The following ZNF714 variants were observed in gnomAD, a reference collection of about 807,000 sequenced individuals.
ZNF714 encodes zinc finger protein 714.
In ZNF714, 32 loss-of-function variants were observed where a neutral mutation model predicts 46.2. The observed-to-expected ratio is 0.69, with a 90% confidence interval of 0.52 to 0.93. ZNF714 has a LOEUF of 0.93. Ranked by LOEUF, ZNF714 falls within the 40% of genes least tolerant of loss-of-function variation. The pLI, the probability that ZNF714 is intolerant of heterozygous loss-of-function variation, is 0.00. For missense variants in ZNF714, 635 were observed against 646.3 expected (o/e 0.98, Z 0.19); for synonymous variants, 199 against 213.1 (o/e 0.93, Z 0.58).
intron 4 of ZNF714, among the ~76,000 whole-genome samples, chr19:21,107,055 G>A (rs1411499580): frequency 2.0e-5 from 3 of 152,104 alleles, no homozygotes; most frequent in African/African-American, 4.8e-5. Context: ...TCGATCCCCT[G>A]ACCTCGTGAT....
intron 4 of ZNF714, among the ~76,000 whole-genome samples, chr19:21,113,728 T>C (rs1969518050): frequency 1.3e-5 from 2 of 152,050 alleles, no homozygotes; most frequent in Admixed American, 6.5e-5. Flanking sequence ...CAGGCTGGAT[T>C]TGAACTCTTG....
chr19:21,093,293 C>T (rs1300771006), intron 2 of ZNF714, among the ~76,000 whole-genome samples: 1 of 150,618 alleles, frequency 6.6e-6, no homozygotes, highest in Non-Finnish European at 1.5e-5. Context: ...AGTGTGATGG[C>T]GCCACCTCAG....
intron 4 of ZNF714, among the ~76,000 whole-genome samples, chr19:21,108,239 G>A (rs1467546315): frequency 3.3e-5 from 5 of 152,216 alleles, no homozygotes; most frequent in Non-Finnish European, 5.9e-5. Context: ...CATCCAGCCA[G>A]TATTTAATAA....
At chr19:21,115,200 T>C (rs964111284) in intron 4 of ZNF714, among the ~76,000 whole-genome samples, 2 of 152,092 alleles carry the variant, frequency 1.3e-5, no homozygotes, top group African/African-American at 4.8e-5. Context: ...TTGCTAATCA[T>C]ATATTTTATG....
At chr19:21,116,711 C>A in intron 4 of ZNF714, 96 bp from the exon 5 acceptor site, 1 of 1,363,472 alleles carries the variant, frequency 7.3e-7, no homozygotes, top group South Asian at 1.6e-5. Flanking sequence ...ATTATGGCAT[C>A]TTGCTTATGT....
intron 1 of ZNF714, 38 bp downstream of exon 1, chr19:21,082,386 G>C (rs1968671894): frequency 6.9e-7 from 1 of 1,456,278 alleles, no homozygotes; most frequent in South Asian, 1.1e-5. Flanking sequence ...GAGAGGGGAA[G>C]GGGCGGGTTG....
At chr19:21,113,780 G>A (rs551214446) in intron 4 of ZNF714, among the ~76,000 whole-genome samples, 1 of 152,044 alleles carries the variant, frequency 6.6e-6, no homozygotes, top group East Asian at 1.9e-4. Context: ...AAAGTGCTAG[G>A]GTTACAAGCG....
intron 4 of ZNF714, among the ~76,000 whole-genome samples, chr19:21,101,969 C>CACTT (rs1342332981): frequency 1.3e-5 from 2 of 152,234 alleles, no homozygotes; most frequent in Admixed American, 6.5e-5. Context: ...CTTCTAAAGG[C>CACTT]ACTTACTTGG....
chr19:21,100,611 G>C (rs1969155425), intron 4 of ZNF714, among the ~76,000 whole-genome samples: 1 of 152,122 alleles, frequency 6.6e-6, no homozygotes, highest in Admixed American at 6.5e-5. Flanking sequence ...TTATAAATAA[G>C]ATTGTTTTCT....
intron 4 of ZNF714, among the ~76,000 whole-genome samples, chr19:21,112,891 C>T (rs1340094716): frequency 2.3e-5 from 3 of 127,860 alleles, no homozygotes; most frequent in Non-Finnish European, 1.6e-5. Context: ...GGCGCGATCT[C>T]GGCTCACTGC....
At chr19:21,086,765 T>C (rs1439691485) in intron 2 of ZNF714, among the ~76,000 whole-genome samples, 2 of 152,154 alleles carry the variant, frequency 1.3e-5, no homozygotes, top group Non-Finnish European at 2.9e-5. Context: ...CAAAATAGAT[T>C]TTCTCTGGTT....
Position 21,117,239 on chromosome 19 carries a change from A to G in ZNF714, c.575A>G (p.Lys192Arg). 1 of 1,614,102 alleles carries G rather than the reference A, an allele frequency of 6.2e-7. No homozygotes were observed. The highest frequency in any genetic ancestry group is 8.5e-7 in the Non-Finnish European group (1 of 1,179,970). ...CGGTTCTCAACCCTTACTAGACACAAGAGAGTTCATACTGGAGAGAAACCC... is the reference window on the plus strand; with the variant it reads ...CGGTTCTCAACCCTTACTAGACACAGGAGAGTTCATACTGGAGAGAAACCC... ...FKRFSTLTRH[K>R]RVHTGEKPFK... is the part of the protein sequence containing the mutation. The change falls in exon 5 of 5, where the codon AAG (lysine) becomes AGG (arginine). Residue 192 changes from lysine (K) to arginine (R), a missense_variant. Physicochemically the swap from Lys to Arg is conservative, Grantham distance 26 (BLOSUM62 2). Coordinates refer to ENST00000456283, the MANE Select transcript of ZNF714 (RefSeq NM_182515.4).
chr19:21,115,608 T>C (rs1969577750), intron 4 of ZNF714, among the ~76,000 whole-genome samples: 1 of 151,992 alleles, frequency 6.6e-6, no homozygotes, highest in Admixed American at 6.6e-5. Flanking sequence ...AAAGCTTTTG[T>C]TGACAGTTCA....
At position 21,101,063 on chromosome 19, in the gene ZNF714, T is replaced by C. The variant is rs116237650; in HGVS notation, c.142+2153T>C. Among the ~76,000 whole-genome samples the C allele has an allele frequency of 3.9e-3, 598 of 152,324 alleles. 5 individuals are homozygous for C. The highest frequency in any genetic ancestry group is 0.014 in the African/African-American group (570 of 41,578). On this transcript the variant is annotated intron_variant, in intron 4 of 4. Coordinates refer to ENST00000456283, the MANE Select transcript of ZNF714 (RefSeq NM_182515.4). Reference sequence around the variant, plus strand: ...GGTTTTTTATATAATAAGATCATACTATCCACAAAAAGCAACTTTTTACTT... The same window carrying C: ...GGTTTTTTATATAATAAGATCATACCATCCACAAAAAGCAACTTTTTACTT...
Position 21,103,330 on chromosome 19 carries a change from C to T in ZNF714, c.142+4420C>T, listed in dbSNP as rs184178871. Among the ~76,000 whole-genome samples the T allele has an allele frequency of 9.1e-3, 1,381 of 152,022 alleles. 16 individuals are homozygous for T. Among genetic ancestry groups the T allele is most frequent in the Non-Finnish European group, 0.016 (1,081 of 67,978 alleles). ...GCACTTTGGAGGCTGAGGCAGGCAG[C>T]TCACTTGAGATCAGGAGTTCCAGAC... On this transcript the variant is annotated intron_variant, in intron 4 of 4. Transcript: ENST00000456283.
At position 21,123,180 on chromosome 19, in the gene ZNF714, C is replaced by A. The variant is rs1054595739; in HGVS notation, c.*4848C>A. On this transcript the variant is annotated 3_prime_UTR_variant, in exon 5 of 5. Transcript: ENST00000456283. ...AAAAAAAAAAAAAAAAGATTAAAGG[C>A]GCACACTGTCCACAGGCAAGAGGAT... 5.8e-5 allele frequency: 8 copies of A among 139,058 alleles called. No individual in the cohort carries two copies. Among genetic ancestry groups the A allele is most frequent in the African/African-American group, 2.0e-4 (8 of 39,298 alleles). The allele number at this position is 139,058 out of a possible 1,614,324, so 8.6% of individuals were successfully genotyped here.
rs570180736 is a variant in ZNF714 at position 21,118,622 on chromosome 19, A to T, written c.*290A>T. On this transcript the variant is annotated 3_prime_UTR_variant, in exon 5 of 5. Transcript: ENST00000456283. ...TGGCAAAGCCTTTAACCAGTCTTCA[A>T]CTCTTACTAGGCATTAAAAATTCAT... 1.8e-4 allele frequency: 47 copies of T among 255,810 alleles called. No individual in the cohort carries two copies. The highest frequency in any genetic ancestry group is 1.1e-3 in the African/African-American group (46 of 43,126). 15.8% of individuals were successfully genotyped at this position (255,810 alleles called of 1,614,324 possible).
chr19:21,098,985 C>T, intron 4 of ZNF714, 75 bp downstream of exon 4: 2 of 899,226 alleles, frequency 2.2e-6, no homozygotes, highest in South Asian at 2.2e-5. Context: ...GCAAGCCGGC[C>T]CTTACAATGT....
chr19:21,102,804 C>G (rs887736930), intron 4 of ZNF714, among the ~76,000 whole-genome samples: 2 of 151,982 alleles, frequency 1.3e-5, no homozygotes, highest in African/African-American at 4.8e-5. Context: ...ATGTCTCTTA[C>G]TGTTGTGCAG....
Sources: gnomAD v4.1 joint callset for allele counts (sites outside exome capture counted in the v4.1 genomes callset) on GRCh38, gnomAD v4.1.1 for gene constraint, MANE v1.5 for transcripts, NCBI Gene and HGNC (gene_info 2026-07-23, HGNC 2026-07-21) for gene names.